Variants in IGSF3 observed in about 807,000 individuals in gnomAD.
IGSF3 encodes the protein glu-Trp-Ile EWI motif-containing protein 3.
IGSF3 carries 23 observed loss-of-function variants against 114.4 expected under a neutral mutation model. The observed-to-expected ratio is 0.20, with a 90% confidence interval of 0.14 to 0.28. The LOEUF is 0.28. Among genes scored for constraint, IGSF3 ranks in the 10% least tolerant of loss-of-function variants. The pLI, the probability that IGSF3 is intolerant of heterozygous loss-of-function variation, is 1.00. For missense variants in IGSF3, 1,172 were observed against 1,591.5 expected (o/e 0.74, Z 4.48); for synonymous variants, 571 against 645.2 (o/e 0.88, Z 1.74).
chr1:116,587,477 C>T (rs1659901003), intron 8 of IGSF3, among the ~76,000 whole-genome samples: 1 of 145,398 alleles, frequency 6.9e-6, no homozygotes, highest in Admixed American at 6.9e-5. Context: ...TCCAGGCTGA[C>T]AGAACAATAA....
rs151042895 is a variant in IGSF3 at position 116,579,664 on chromosome 1, T to A, written c.3062A>T (p.Asp1021Val). The change falls in exon 10 of 11, where the codon GAC becomes GTC. Residue 1021 changes from aspartate to valine, a missense_variant. Physicochemically the swap from Asp to Val is radical, Grantham distance 152. Transcript: ENST00000369486. This position sits in a 1 kb window ranked among gnomAD's most constrained non-coding sequence, Gnocchi z 6.4. Reference protein sequence around the residue: ...EEREEEEEEDDDDDDDPTERT... With the variant: ...EEREEEEEEDVDDDDDPTERT... ...CTCTGTTGGGTCGTCGTCGTCGTCG[T>A]CGTCCTCCTCCTCCTCCTCCTCCCT... 5,358 of 1,434,260 alleles carry A rather than the reference T, an allele frequency of 3.7e-3. 28 individuals are homozygous for A. The highest frequency in any genetic ancestry group is 0.015 in the South Asian group (1,309 of 85,300). 88.8% of individuals were successfully genotyped at this position (1,434,260 alleles called of 1,614,324 possible).
At position 116,657,869 on chromosome 1, in the gene IGSF3, T is replaced by A. The variant is rs1480169424; in HGVS notation, c.43+8415A>T. 6.6e-6 allele frequency among the ~76,000 whole-genome samples: 1 copy of A among 152,078 alleles called. No homozygotes were observed. Among genetic ancestry groups the A allele is most frequent in the East Asian group, 1.9e-4 (1 of 5,190 alleles). On this transcript the variant is annotated intron_variant, in intron 2 of 10. Coordinates refer to ENST00000369486, the MANE Select transcript of IGSF3 (RefSeq NM_001007237.3). This position sits in a 1 kb window ranked among gnomAD's most constrained non-coding sequence, Gnocchi z 4.2. ...CAACTTAAGGCAAGCCTGGGCAAAC[T>A]GCACTACATCAAAGAAAGAACACAC... is the stretch of plus-strand genomic sequence containing the variant.
Position 116,577,491 on chromosome 1 carries a change from T to C in IGSF3, c.3406A>G (p.Ile1136Val), listed in dbSNP as rs1382087176. 6.2e-7 allele frequency: 1 copy of C among 1,614,044 alleles called. No homozygotes were observed. The highest frequency in any genetic ancestry group is 8.5e-7 in the Non-Finnish European group (1 of 1,180,008). ...FYFVFFYPFPIFGILIITILL... is the reference protein window; with the variant it reads ...FYFVFFYPFPVFGILIITILL... ...ATGGTGATGATAAGAATGCCAAAGA[T>C]GGGGAAAGGGTAGAAGAAGACGAAG... Residue 1136 changes from isoleucine (I) to valine (V), a missense_variant, in exon 11 of 11, where the codon ATC becomes GTC. Coordinates refer to ENST00000369486, the MANE Select transcript of IGSF3 (RefSeq NM_001007237.3). This position sits in a 1 kb window ranked among gnomAD's most constrained non-coding sequence, Gnocchi z 5.7.
In IGSF3 at chr1:116,615,735, T is replaced by G. The variant is rs1317900862; in HGVS notation, c.421+345A>C. The stretch of plus-strand genomic sequence containing the variant: ...CTATCCTTCTGAGAGGTTTCTCCTC[T>G]CTTCCAACTGATGTCATACGTCTCA... On this transcript the variant is annotated intron_variant, in intron 3 of 10. Transcript: ENST00000369486. The surrounding 1 kb of genome is among the most constrained non-coding windows in gnomAD (Gnocchi z 4.3). Among the ~76,000 whole-genome samples, 3 of 152,240 alleles carry G rather than the reference T, an allele frequency of 2.0e-5. No individual in the cohort carries two copies. The highest frequency in any genetic ancestry group is 6.5e-5 in the Admixed American group (1 of 15,286).
Position 116,653,200 on chromosome 1 carries a change from G to A in IGSF3, c.43+13084C>T, listed in dbSNP as rs150244345. On this transcript the variant is annotated intron_variant, in intron 2 of 10. Transcript: ENST00000369486. The stretch of plus-strand genomic sequence containing the variant: ...CCTCCACATGACTTCAGTCATCCCC[G>A]TTACAGATCACAGAGTAAAAAGCCT... 1.8e-3 allele frequency among the ~76,000 whole-genome samples: 272 copies of A among 152,260 alleles called. No individual in the cohort carries two copies. The East Asian group carries it at 0.024, about 14-fold the overall frequency.
rs924293836 is a variant in IGSF3 at position 116,649,428 on chromosome 1, T to G, written c.43+16856A>C. Among the ~76,000 whole-genome samples, 5 of 152,202 alleles carry G rather than the reference T, an allele frequency of 3.3e-5. No individual in the cohort carries two copies. The highest frequency in any genetic ancestry group is 6.5e-5 in the Admixed American group (1 of 15,286). On this transcript the variant is annotated intron_variant, in intron 2 of 10. Transcript: ENST00000369486. The surrounding 1 kb of genome is among the most constrained non-coding windows in gnomAD (Gnocchi z 4.5). Reference sequence around the variant, plus strand: ...AGTCTAGCCCTATTTTCAAATGAATTCAACGCCTCATTACTTAGATCTTTC... The same window carrying G: ...AGTCTAGCCCTATTTTCAAATGAATGCAACGCCTCATTACTTAGATCTTTC...
chr1:116,641,853 T>TG (rs1194504481), intron 2 of IGSF3, among the ~76,000 whole-genome samples: 1 of 136,254 alleles, frequency 7.3e-6, no homozygotes, highest in African/African-American at 3.1e-5. Context: ...GATTTCTTTC[T>TG]TTTTTTTTTT....
At position 116,589,639 on chromosome 1, in the gene IGSF3, C is replaced by A. The variant is rs1285683054; in HGVS notation, c.2030-535G>T. 1.3e-5 allele frequency among the ~76,000 whole-genome samples: 2 copies of A among 152,122 alleles called. No homozygotes were observed. Among genetic ancestry groups the A allele is most frequent in the African/African-American group, 2.4e-5 (1 of 41,418 alleles). On this transcript the variant is annotated intron_variant, in intron 7 of 10. Coordinates refer to ENST00000369486, the MANE Select transcript of IGSF3 (RefSeq NM_001007237.3). The surrounding 1 kb of genome is among the most constrained non-coding windows in gnomAD (Gnocchi z 5.7). ...CCTGTCTCCTTCTGCCACCTCCCAC[C>A]CTGACCCTTCTCTCCACTTATCCCT...
intron 2 of IGSF3, among the ~76,000 whole-genome samples, chr1:116,626,142 T>A (rs1405287276): frequency 1.3e-5 from 2 of 152,190 alleles, no homozygotes; most frequent in Non-Finnish European, 2.9e-5. Flanking sequence ...TTTTAAAAAT[T>A]ACAGTATTTT....
intron 4 of IGSF3, among the ~76,000 whole-genome samples, chr1:116,608,830 T>C (rs906000979): frequency 6.6e-6 from 1 of 152,102 alleles, no homozygotes; most frequent in African/African-American, 2.4e-5. Flanking sequence ...TAACAAATGC[T>C]CAAAGATGAC....
At position 116,595,462 on chromosome 1, in the gene IGSF3, T is replaced by C. The variant is rs949146943; in HGVS notation, c.2029+4479A>G. Among the ~76,000 whole-genome samples the C allele has an allele frequency of 2.6e-5, 4 of 152,186 alleles. No individual in the cohort carries two copies. The highest frequency in any genetic ancestry group is 4.4e-5 in the Non-Finnish European group (3 of 68,016). On this transcript the variant is annotated intron_variant, in intron 7 of 10. Coordinates refer to ENST00000369486, the MANE Select transcript of IGSF3 (RefSeq NM_001007237.3). This position sits in a 1 kb window ranked among gnomAD's most constrained non-coding sequence, Gnocchi z 4.2. ...TGTGAAAGGAGAGCCAGTGTTCACATGCTCTGGACTCATGGAAGTCAAAGA... is the reference window on the plus strand; with the variant it reads ...TGTGAAAGGAGAGCCAGTGTTCACACGCTCTGGACTCATGGAAGTCAAAGA...
chr1:116,585,906 A>G lies in IGSF3; in HGVS notation c.2441-854T>C, dbSNP rs1001037546. Among the ~76,000 whole-genome samples the G allele has an allele frequency of 1.3e-5, 2 of 152,230 alleles. No homozygotes were observed. The highest frequency in any genetic ancestry group is 4.8e-5 in the African/African-American group (2 of 41,450). On this transcript the variant is annotated intron_variant, in intron 8 of 10. Transcript: ENST00000369486. This position sits in a 1 kb window ranked among gnomAD's most constrained non-coding sequence, Gnocchi z 4.9. ...GACTGTCTCAAAAAAAAGAAAAAGA[A>G]AAAGAAAAAGAAAAGATTGCTACTG...
chr1:116,666,307 A>G lies in IGSF3; in HGVS notation c.20T>C (p.Val7Ala). MKCFFP[V>A]LSCLAVLGVV... ...ACCCAGCACAGCCAGACAGCTCAGC[A>G]CCGGGAAAAAGCACTTCATGTCGGC... The change falls in exon 2 of 11, where the codon GTG (valine) becomes GCG (alanine). Residue 7 changes from valine (V) to alanine (A), a missense_variant. Physicochemically the swap from Val to Ala is moderately conservative, Grantham distance 64. Around this residue, in one of 3 missense-constraint regions of IGSF3, gnomAD observed 736 missense variants for 1,042.0 expected, o/e 0.71. Coordinates refer to ENST00000369486, the MANE Select transcript of IGSF3 (RefSeq NM_001007237.3). The G allele has an allele frequency of 6.2e-7, 1 of 1,614,190 alleles. No individual in the cohort carries two copies. The highest frequency in any genetic ancestry group is 8.5e-7 in the Non-Finnish European group (1 of 1,180,010).
In IGSF3 at chr1:116,613,975, T is replaced by C. The variant is rs747538544; in HGVS notation, c.622A>G (p.Ser208Gly). 2 of 1,614,018 alleles carry C rather than the reference T, an allele frequency of 1.2e-6. No homozygotes were observed. Among genetic ancestry groups the C allele is most frequent in the Admixed American group, 3.3e-5 (2 of 60,016 alleles). Residue 208 changes from serine (S) to glycine (G), a missense_variant, in exon 4 of 11, where the codon AGC (serine) becomes GGC (glycine). Transcript: ENST00000369486. ...LSRDFMLHSS[S>G]EYAQRQSLGE... is the part of the protein sequence containing the mutation. ...AGGCTCTGCCTCTGGGCATATTCGC[T>C]GCTGGAGTGAAGCATGAAATCTCGG... is the stretch of plus-strand genomic sequence containing the variant.
rs200397758 is a variant in IGSF3, at chr1:116,612,453, G to A, written c.832+1312C>T. 7.9e-5 allele frequency among the ~76,000 whole-genome samples: 12 copies of A among 152,130 alleles called. No homozygotes were observed. The highest frequency in any genetic ancestry group is 1.6e-4 in the Non-Finnish European group (11 of 67,988). On this transcript the variant is annotated intron_variant, in intron 4 of 10. Coordinates refer to ENST00000369486, the MANE Select transcript of IGSF3 (RefSeq NM_001007237.3). The surrounding 1 kb of genome is among the most constrained non-coding windows in gnomAD (Gnocchi z 4.1). ...AGAAGAATCACCTGGGAAGCGTGCC[G>A]GAAATCCAGCTTCCCAGGTCCCATC...
rs1010150070 is a variant in IGSF3 at position 116,664,770 on chromosome 1, C to T, written c.43+1514G>A. ...AGCCCACAGCTGAACAGAAGACTAA[C>T]TAAACTACCAGCAGGGTGTCTGCAT... On this transcript the variant is annotated intron_variant, in intron 2 of 10. Coordinates refer to ENST00000369486, the MANE Select transcript of IGSF3 (RefSeq NM_001007237.3). This position sits in a 1 kb window ranked among gnomAD's most constrained non-coding sequence, Gnocchi z 4.6. 6.6e-6 allele frequency among the ~76,000 whole-genome samples: 1 copy of T among 152,226 alleles called. No individual in the cohort carries two copies. The highest frequency in any genetic ancestry group is 1.5e-5 in the Non-Finnish European group (1 of 68,044).
At position 116,603,107 on chromosome 1, in the gene IGSF3, C is replaced by T. The variant is rs375248305; in HGVS notation, c.1624+517G>A. 6.4e-4 allele frequency among the ~76,000 whole-genome samples: 97 copies of T among 152,218 alleles called. No homozygotes were observed. The highest frequency in any genetic ancestry group is 7.8e-4 in the Non-Finnish European group (53 of 68,030). ...ACAACTAAGCTTAAGTGTTAAGGAT[C>T]AGGCAGGAACATAGTAAATGCTAAA... On this transcript the variant is annotated intron_variant, in intron 6 of 10. Transcript: ENST00000369486. The surrounding 1 kb of genome is among the most constrained non-coding windows in gnomAD (Gnocchi z 7.1).
At chr1:116,635,835 T>C (rs900784379) in intron 2 of IGSF3, among the ~76,000 whole-genome samples, 1 of 152,160 alleles carries the variant, frequency 6.6e-6, no homozygotes, top group Non-Finnish European at 1.5e-5. Context: ...CAATGCCCAC[T>C]CATACTTTAA....
chr1:116,626,453 C>T (rs1647285780), intron 2 of IGSF3, among the ~76,000 whole-genome samples: 2 of 152,084 alleles, frequency 1.3e-5, no homozygotes. Flanking sequence ...AGGATTACAC[C>T]ACATTTTATT....
Sources: gnomAD v4.1 joint callset for allele counts (sites outside exome capture counted in the v4.1 genomes callset) on GRCh38, gnomAD v4.1.1 for gene constraint, gnomAD v4.1.1 regional missense constraint, Gnocchi (gnomAD v3.1) non-coding constraint, MANE v1.5 for transcripts, NCBI Gene and HGNC (gene_info 2026-07-23, HGNC 2026-07-21) for gene names.